The following VPS13A variants were observed in gnomAD, a reference collection of about 807,000 sequenced individuals.
The protein encoded by VPS13A is vacuolar protein sorting 13 homolog A, also known as intermembrane lipid transfer protein VPS13A.
Under a neutral mutation model 390.9 loss-of-function variants are expected in VPS13A, and 264 were observed. The ratio of observed to expected loss-of-function variants is 0.68; its 90% CI spans 0.61 to 0.75. The LOEUF is 0.75. Among genes scored for constraint, VPS13A ranks in the 30% least tolerant of loss-of-function variants. The pLI is 0.00. For missense variants in VPS13A, 3,409 were observed against 3,733.9 expected (o/e 0.91, Z 2.27); for synonymous variants, 1,231 against 1,227.1 (o/e 1.00, Z -0.07).
At chr9:77,358,607 A>C (rs1286125727) in intron 57 of VPS13A, among the ~76,000 whole-genome samples, 169 bp downstream of exon 57, 5 of 152,230 alleles carry the variant, frequency 3.3e-5, no homozygotes, top group Non-Finnish European at 1.5e-5. Context: ...ACTAACTTTG[A>C]TAAGATTTTG....
intron 68 of VPS13A, chr9:77,382,871 A>C: frequency 1.0e-6 from 1 of 985,382 alleles, no homozygotes. Flanking sequence ...CAACTTTCTT[A>C]CTTGGTAAAT....
Position 77,303,075 on chromosome 9 carries a change from G to A in VPS13A, c.3960+13G>A, listed in dbSNP as rs750115752. On this transcript the variant is annotated intron_variant, in intron 34 of 71. Coordinates refer to ENST00000360280, the MANE Select transcript of VPS13A (RefSeq NM_033305.3). ...GAAACCAATGGAGGTAACTTTTTTT[G>A]GATACTTATCAATTTTTGTTTTGCT... The A allele has an allele frequency of 1.2e-6, 2 of 1,613,402 alleles. No individual in the cohort carries two copies. Among genetic ancestry groups the A allele is most frequent in the Non-Finnish European group, 1.7e-6 (2 of 1,179,732 alleles).
intron 23 of VPS13A, among the ~76,000 whole-genome samples, chr9:77,269,116 G>A (rs961381980): frequency 6.6e-6 from 1 of 151,990 alleles, no homozygotes; most frequent in Non-Finnish European, 1.5e-5. Flanking sequence ...TAGATATTGA[G>A]CTTTTTGTAT....
In VPS13A at chr9:77,415,085, A is replaced by G. The variant is rs972536916; in HGVS notation, c.9475-871A>G. Among the ~76,000 whole-genome samples, 15 of 152,270 alleles carry G rather than the reference A, an allele frequency of 9.9e-5. 1 individual carries two copies. Among genetic ancestry groups the G allele is most frequent in the African/African-American group, 3.6e-4 (15 of 41,484 alleles). ...ACAAAGAAAGAGGAATAAAGTTACC[A>G]GTCTTCATATGCTTGTCACCTGGAA... On this transcript the variant is annotated intron_variant, in intron 71 of 71. Coordinates refer to ENST00000360280, the MANE Select transcript of VPS13A (RefSeq NM_033305.3).
At chr9:77,190,591 A>G (rs1824615504) in intron 1 of VPS13A, among the ~76,000 whole-genome samples, 1 of 152,212 alleles carries the variant, frequency 6.6e-6, no homozygotes, top group South Asian at 2.1e-4. Context: ...GGCTTCATAA[A>G]ATAAAATGAG....
chr9:77,212,936 C>A, intron 7 of VPS13A, 33 bp from the exon 8 acceptor site: 2 of 1,610,686 alleles, frequency 1.2e-6, no homozygotes, highest in South Asian at 1.1e-5. Flanking sequence ...ATGGAATGAC[C>A]TTTTTACTGC....
At chr9:77,275,362 T>G (rs1826589780) in intron 24 of VPS13A, 136 bp from the exon 25 acceptor site, 1 of 827,796 alleles carries the variant, frequency 1.2e-6, no homozygotes, top group Non-Finnish European at 1.9e-6. Flanking sequence ...TATTTTCTGT[T>G]TATTTCGGTT....
At chr9:77,262,939 G>A (rs1253194971) in intron 23 of VPS13A, among the ~76,000 whole-genome samples, 1 of 152,040 alleles carries the variant, frequency 6.6e-6, no homozygotes, top group Non-Finnish European at 1.5e-5. Flanking sequence ...AATCCTTTGG[G>A]TATGTACCCA....
At chr9:77,327,030 C>A (rs1316558140) in intron 45 of VPS13A, among the ~76,000 whole-genome samples, 2 of 152,182 alleles carry the variant, frequency 1.3e-5, no homozygotes, top group Non-Finnish European at 2.9e-5. Context: ...GATCTTGTCT[C>A]TTCAACTTGG....
intron 1 of VPS13A, among the ~76,000 whole-genome samples, chr9:77,179,170 T>C (rs1203341508): frequency 6.6e-6 from 1 of 152,230 alleles, no homozygotes; most frequent in East Asian, 1.9e-4. Flanking sequence ...TAGTGGAGTC[T>C]TGCTTCCACA....
At chr9:77,248,289 C>T (rs1284178158) in intron 20 of VPS13A, among the ~76,000 whole-genome samples, 2 of 151,322 alleles carry the variant, frequency 1.3e-5, no homozygotes, top group Non-Finnish European at 2.9e-5. Context: ...GATCTCGGCT[C>T]ACTGCAAGCT....
At chr9:77,344,559 C>T (rs985532063) in intron 51 of VPS13A, among the ~76,000 whole-genome samples, 2 of 152,024 alleles carry the variant, frequency 1.3e-5, no homozygotes, top group African/African-American at 4.8e-5. Flanking sequence ...AGATTGAGAC[C>T]ATCCTGGCTA....
chr9:77,364,804 A>G (rs1163722480), intron 59 of VPS13A, among the ~76,000 whole-genome samples: 2 of 152,140 alleles, frequency 1.3e-5, no homozygotes, highest in Non-Finnish European at 2.9e-5. Context: ...TGTTGTTTAA[A>G]TTTTATCAGT....
At chr9:77,252,122 A>G in intron 21 of VPS13A, 113 bp from the exon 22 acceptor site, 1 of 844,636 alleles carries the variant, frequency 1.2e-6, no homozygotes, top group South Asian at 1.4e-5. Flanking sequence ...AAGATTACCT[A>G]GATGTGGGGA....
intron 34 of VPS13A, among the ~76,000 whole-genome samples, chr9:77,305,186 C>A (rs902163280): frequency 6.6e-6 from 1 of 152,128 alleles, no homozygotes; most frequent in African/African-American, 2.4e-5. Context: ...GATCCACCCC[C>A]CTTGGCCTCC....
Position 77,418,981 on chromosome 9 carries a change from A to C in VPS13A, c.*2975A>C, listed in dbSNP as rs1382913137. 6.6e-6 allele frequency: 1 copy of C among 152,230 alleles called. No homozygotes were observed. The highest frequency in any genetic ancestry group is 1.5e-5 in the Non-Finnish European group (1 of 68,044). The allele number at this position is 152,230 out of a possible 1,614,324, so 9.4% of individuals were successfully genotyped here. On this transcript the variant is annotated 3_prime_UTR_variant, in exon 72 of 72. Coordinates refer to ENST00000360280, the MANE Select transcript of VPS13A (RefSeq NM_033305.3). The stretch of plus-strand genomic sequence containing the variant: ...CCAGTATTAGTTGATCCTTCAGGCT[A>C]TGCCAAGTGCCCCCTCATGTAGGCC...
intron 31 of VPS13A, among the ~76,000 whole-genome samples, chr9:77,289,027 T>C (rs1338662077): frequency 6.6e-6 from 1 of 152,172 alleles, no homozygotes; most frequent in Non-Finnish European, 1.5e-5. Flanking sequence ...CCATTCCAGG[T>C]TTCTTCGGTT....
Position 77,297,176 on chromosome 9 carries a change from GT to G in VPS13A, c.3812+1337del, listed in dbSNP as rs1283345567. Among the ~76,000 whole-genome samples the G allele has an allele frequency of 2.6e-5, 4 of 151,390 alleles. No individual in the cohort carries two copies. In the South Asian group the frequency reaches 6.3e-4, roughly 24 times the overall value. ...AGGTTCAATTTTGCTCTTTTTATAA[GT>G]TTTTTTAGGTGATAGCTAAGATTAT... On this transcript the variant is annotated intron_variant, in intron 33 of 71. Coordinates refer to ENST00000360280, the MANE Select transcript of VPS13A (RefSeq NM_033305.3).
At chr9:77,293,623 ATCT>A (rs1827802330) in intron 32 of VPS13A, 115 bp downstream of exon 32, 2 of 550,736 alleles carry the variant, frequency 3.6e-6, no homozygotes, top group South Asian at 5.5e-5. Flanking sequence ...GATTTTTTAA[ATCT>A]TCTGGGTACC....
Sources: gnomAD v4.1 joint callset for allele counts (sites outside exome capture counted in the v4.1 genomes callset) on GRCh38, gnomAD v4.1.1 for gene constraint, MANE v1.5 for transcripts, NCBI Gene and HGNC (gene_info 2026-07-23, HGNC 2026-07-21) for gene names.